Variants in ENAH observed in about 807,000 individuals in gnomAD.
ENAH encodes protein enabled homolog.
A neutral mutation model predicts 78.7 loss-of-function variants in ENAH; 23 were observed. The ratio of observed to expected loss-of-function variants is 0.29; its 90% CI spans 0.21 to 0.41. The LOEUF (loss-of-function observed/expected upper bound fraction) is 0.41, where lower values mean the gene tolerates loss of function less well. Ranked by LOEUF, ENAH falls within the 10% of genes least tolerant of loss-of-function variation. The probability of loss-of-function intolerance (pLI) is 1.00; values close to 1 mark genes in which losing one functional copy is unlikely to be tolerated. For missense variants in ENAH, 544 were observed against 691.0 expected (o/e 0.79, Z 2.39); for synonymous variants, 226 against 241.0 (o/e 0.94, Z 0.58).
intron 11 of ENAH, among the ~76,000 whole-genome samples, chr1:225,502,687 T>C (rs1019464001): frequency 2.6e-5 from 4 of 152,302 alleles, no homozygotes; most frequent in Admixed American, 2.0e-4. Flanking sequence ...ATATGAAATA[T>C]TTCCTTTCCT....
chr1:225,506,399 G>T (rs534777827), intron 11 of ENAH, among the ~76,000 whole-genome samples: 1 of 152,262 alleles, frequency 6.6e-6, no homozygotes, highest in African/African-American at 2.4e-5. Flanking sequence ...TGTTAGCCAA[G>T]CTGGTCTCAA....
chr1:225,610,229 G>C (rs1408672366), intron 1 of ENAH, among the ~76,000 whole-genome samples: 1 of 150,924 alleles, frequency 6.6e-6, no homozygotes, highest in Non-Finnish European at 1.5e-5. Flanking sequence ...TTTCTCTCAA[G>C]TAGTGACATT....
In ENAH at chr1:225,570,208, G is replaced by GCC. The variant is rs1358646710; in HGVS notation, c.6-2796_6-2795dup. On this transcript the variant is annotated intron_variant, in intron 1 of 13. Transcript: ENST00000366843. ...AAAAATACATTAGGCACTCAGAGAA[G>GCC]CCCCCATCAAGGCCCAGCCAGGAAA... is the stretch of plus-strand genomic sequence containing the variant. Among the ~76,000 whole-genome samples, 6 of 150,810 alleles carry GCC rather than the reference G, an allele frequency of 4.0e-5. No individual in the cohort carries two copies. In the East Asian group the frequency reaches 1.2e-3, roughly 29 times the overall value.
chr1:225,584,982 A>G (rs2096837845), intron 1 of ENAH, among the ~76,000 whole-genome samples: 1 of 152,170 alleles, frequency 6.6e-6, no homozygotes, highest in Non-Finnish European at 1.5e-5. Flanking sequence ...TGAGAGGCTG[A>G]GGCAGGTGGA....
intron 6 of ENAH, 26 bp downstream of exon 6, chr1:225,517,170 G>C (rs1270321414): frequency 1.4e-6 from 2 of 1,480,212 alleles, no homozygotes. Context: ...GTGATTAGCT[G>C]TTAGTAGCAA....
chr1:225,637,513 TCAGGAGAAAGTTTAGA>T (rs1162057062), intron 1 of ENAH, among the ~76,000 whole-genome samples: 2 of 152,058 alleles, frequency 1.3e-5, no homozygotes, highest in South Asian at 2.1e-4. Context: ...GGCCTTTTTT[TCAGGAGAAAGTTTAGA>T]CAGGATGGCT....
At chr1:225,615,728 G>C (rs1340143399) in intron 1 of ENAH, among the ~76,000 whole-genome samples, 1 of 145,664 alleles carries the variant, frequency 6.9e-6, no homozygotes, top group African/African-American at 2.6e-5. Flanking sequence ...GTCTCTGCCC[G>C]ACCGCCACCC....
chr1:225,646,211 G>A (rs1661931671), intron 1 of ENAH, among the ~76,000 whole-genome samples: 2 of 151,192 alleles, frequency 1.3e-5, no homozygotes, highest in South Asian at 2.1e-4. Context: ...ACTGAACTGT[G>A]TTCCCCTAAA....
At chr1:225,568,998 C>G (rs1226910385) in intron 1 of ENAH, among the ~76,000 whole-genome samples, 1 of 152,110 alleles carries the variant, frequency 6.6e-6, no homozygotes, top group African/African-American at 2.4e-5. Flanking sequence ...GGAATGAAAA[C>G]AAGCCAATGA....
chr1:225,606,637 CAGG>C (rs1456602151), intron 1 of ENAH, among the ~76,000 whole-genome samples: 1 of 151,622 alleles, frequency 6.6e-6, no homozygotes, highest in African/African-American at 2.4e-5. Flanking sequence ...CAGTTGAGGC[CAGG>C]AGACCAGCCT....
At chr1:225,598,892 G>T (rs2096916092) in intron 1 of ENAH, among the ~76,000 whole-genome samples, 1 of 151,846 alleles carries the variant, frequency 6.6e-6, no homozygotes, top group South Asian at 2.1e-4. Flanking sequence ...CTGAGTTAGG[G>T]AGTGTTAGTT....
At chr1:225,530,432 G>A in intron 4 of ENAH, 122 bp downstream of exon 4, 1 of 714,708 alleles carries the variant, frequency 1.4e-6, no homozygotes, top group Non-Finnish European at 2.4e-6. Context: ...ACTTACTAAT[G>A]TAAGAATAAA....
At chr1:225,509,292 T>A (rs897856608) in intron 10 of ENAH, among the ~76,000 whole-genome samples, 1 of 152,174 alleles carries the variant, frequency 6.6e-6, no homozygotes, top group Admixed American at 6.5e-5. Context: ...GGAACGGTCA[T>A]CGGACACTGT....
chr1:225,605,282 C>T (rs2096951018), intron 1 of ENAH, among the ~76,000 whole-genome samples: 2 of 152,200 alleles, frequency 1.3e-5, no homozygotes, highest in African/African-American at 4.8e-5. Flanking sequence ...ATACAAAACA[C>T]TACTTTGGGG....
chr1:225,522,449 T>G (rs1206144372), intron 4 of ENAH, among the ~76,000 whole-genome samples: 1 of 152,210 alleles, frequency 6.6e-6, no homozygotes, highest in African/African-American at 2.4e-5. Flanking sequence ...AGTAGTTGTT[T>G]GAGATACTGA....
chr1:225,551,139 C>T (rs975856031), intron 3 of ENAH, among the ~76,000 whole-genome samples: 1 of 152,086 alleles, frequency 6.6e-6, no homozygotes, highest in African/African-American at 2.4e-5. Context: ...TACACTGTAG[C>T]ATTTGGTATA....
At chr1:225,513,661 T>C (rs1045389574) in intron 7 of ENAH, among the ~76,000 whole-genome samples, 1 of 152,136 alleles carries the variant, frequency 6.6e-6, no homozygotes, top group Non-Finnish European at 1.5e-5. Flanking sequence ...AAATAGAAGC[T>C]TGTGTCTCTG....
chr1:225,634,984 T>C (rs1257592819), intron 1 of ENAH, among the ~76,000 whole-genome samples: 1 of 152,240 alleles, frequency 6.6e-6, no homozygotes, highest in Non-Finnish European at 1.5e-5. Flanking sequence ...TGTGTCTGCA[T>C]ATCAATTTAA....
chr1:225,522,777 A>G (rs1167648307), intron 4 of ENAH, among the ~76,000 whole-genome samples: 1 of 152,214 alleles, frequency 6.6e-6, no homozygotes, highest in Admixed American at 6.5e-5. Context: ...CCCAAAGGGC[A>G]AAAGATACAC....
Sources: allele counts gnomAD v4.1 joint callset (sites outside exome capture counted in the v4.1 genomes callset), GRCh38; gene constraint gnomAD v4.1.1; transcripts MANE v1.5; gene names NCBI Gene and HGNC (gene_info 2026-07-23, HGNC 2026-07-21).